Variants in SSBP2 observed in about 807,000 individuals in gnomAD.
SSBP2 encodes the protein single stranded DNA binding protein 2, also known as single-stranded DNA-binding protein 2.
Under a neutral mutation model 61.8 loss-of-function variants are expected in SSBP2, and 17 were observed. That is an observed-to-expected ratio of 0.28 (90% CI 0.19 to 0.41). The LOEUF is 0.41. SSBP2 is among the 10% of genes least tolerant of loss of function. The pLI is 1.00. For missense variants in SSBP2, 310 were observed against 458.7 expected (o/e 0.68, Z 2.96); for synonymous variants, 139 against 141.3 (o/e 0.98, Z 0.12).
chr5:81,438,823 G>A (rs2153951937), intron 14 of SSBP2, among the ~76,000 whole-genome samples: 1 of 152,274 alleles, frequency 6.6e-6, no homozygotes, highest in African/African-American at 2.4e-5. Context: ...ATTCAAGAAT[G>A]GTGCTGTCCA....
chr5:81,691,144 A>G (rs1753174802), intron 1 of SSBP2, among the ~76,000 whole-genome samples: 1 of 152,148 alleles, frequency 6.6e-6, no homozygotes, highest in African/African-American at 2.4e-5. Context: ...AAACAATCTA[A>G]CAATGCATCT....
chr5:81,652,853 C>T (rs991400808), intron 1 of SSBP2, among the ~76,000 whole-genome samples: 16 of 151,686 alleles, frequency 1.1e-4, no homozygotes, highest in African/African-American at 1.9e-4. Flanking sequence ...ACCCATCACC[C>T]GAGTAGCATA....
chr5:81,640,393 A>C (rs1167536665), intron 2 of SSBP2, among the ~76,000 whole-genome samples: 1 of 152,160 alleles, frequency 6.6e-6, no homozygotes, highest in African/African-American at 2.4e-5. Context: ...TGAGGTGCTA[A>C]AAGGAAAAAT....
chr5:81,422,935 AT>A (rs1761703270), intron 16 of SSBP2, among the ~76,000 whole-genome samples: 1 of 152,270 alleles, frequency 6.6e-6, no homozygotes, highest in African/African-American at 2.4e-5. Context: ...ACATAATGTG[AT>A]TCCACGTCTC....
At chr5:81,661,167 A>G (rs1750662376) in intron 1 of SSBP2, among the ~76,000 whole-genome samples, 1 of 152,144 alleles carries the variant, frequency 6.6e-6, no homozygotes, top group Non-Finnish European at 1.5e-5. Flanking sequence ...GGAACTTTAA[A>G]AAATTGTTTT....
At chr5:81,490,784 G>A (rs577002992) in intron 5 of SSBP2, among the ~76,000 whole-genome samples, 2 of 152,246 alleles carry the variant, frequency 1.3e-5, no homozygotes, top group South Asian at 4.1e-4. Flanking sequence ...TGAGCAATTT[G>A]GCTTTTTGTT....
At chr5:81,494,165 G>A (rs927020663) in intron 5 of SSBP2, among the ~76,000 whole-genome samples, 1 of 152,152 alleles carries the variant, frequency 6.6e-6, no homozygotes, top group Non-Finnish European at 1.5e-5. Context: ...TTCCTCAAAA[G>A]TCATATTACA....
chr5:81,732,197 CA>C (rs1324279274), intron 1 of SSBP2, among the ~76,000 whole-genome samples: 1 of 152,126 alleles, frequency 6.6e-6, no homozygotes, highest in East Asian at 1.9e-4. Flanking sequence ...TCTGTTTCTT[CA>C]TTTTTAAAAA....
intron 4 of SSBP2, among the ~76,000 whole-genome samples, chr5:81,540,592 T>A (rs1771187554): frequency 6.6e-6 from 1 of 152,210 alleles, no homozygotes; most frequent in Non-Finnish European, 1.5e-5. Context: ...ATGGGGTTGT[T>A]TTTTTCTCAT....
At chr5:81,466,932 T>A in intron 9 of SSBP2, 42 bp downstream of exon 9, 1 of 1,200,556 alleles carries the variant, frequency 8.3e-7, no homozygotes, top group Non-Finnish European at 1.2e-6. Flanking sequence ...ATATAAAATA[T>A]CATCCACGTA....
At chr5:81,631,179 T>C (rs1426202058) in intron 3 of SSBP2, among the ~76,000 whole-genome samples, 1 of 152,214 alleles carries the variant, frequency 6.6e-6, no homozygotes, top group Non-Finnish European at 1.5e-5. Context: ...GGTGCTTAAC[T>C]GTAGTGAACC....
At position 81,420,410 on chromosome 5, in the gene SSBP2, G is replaced by T; in HGVS notation, c.*94C>A. 8.0e-7 allele frequency: 1 copy of T among 1,247,948 alleles called. No individual in the cohort carries two copies. Among genetic ancestry groups the T allele is most frequent in the Non-Finnish European group, 1.2e-6 (1 of 854,866 alleles). The allele number at this position is 1,247,948 out of a possible 1,614,324, so 77.3% of individuals were successfully genotyped here. Reference sequence around the variant, plus strand: ...GGTTTGGTGTGACTGAGATTCCTTTGTTTAACTGTACACTGTGATGAATAA... The same window carrying T: ...GGTTTGGTGTGACTGAGATTCCTTTTTTTAACTGTACACTGTGATGAATAA... On this transcript the variant is annotated 3_prime_UTR_variant, in exon 17 of 17. Coordinates refer to ENST00000320672, the MANE Select transcript of SSBP2 (RefSeq NM_012446.5).
chr5:81,696,630 C>T (rs1160233824), intron 1 of SSBP2, among the ~76,000 whole-genome samples: 1 of 152,164 alleles, frequency 6.6e-6, no homozygotes, highest in African/African-American at 2.4e-5. Context: ...CAACTATAAC[C>T]ATCTGGCAAT....
At chr5:81,485,259 C>G (rs1176474794) in intron 6 of SSBP2, among the ~76,000 whole-genome samples, 1 of 152,050 alleles carries the variant, frequency 6.6e-6, no homozygotes. Flanking sequence ...ATATATTTAT[C>G]CTCTGCTATA....
chr5:81,560,910 T>C (rs2153413426), intron 4 of SSBP2, among the ~76,000 whole-genome samples: 1 of 152,260 alleles, frequency 6.6e-6, no homozygotes, highest in South Asian at 2.1e-4. Context: ...CAATACAGAA[T>C]TATTAATTAT....
chr5:81,727,995 A>G (rs1484799413), intron 1 of SSBP2, among the ~76,000 whole-genome samples: 1 of 152,186 alleles, frequency 6.6e-6, no homozygotes, highest in East Asian at 1.9e-4. Flanking sequence ...GAAAGGGAAC[A>G]CTGTCCTGAG....
chr5:81,653,933 G>A (rs1022772586), intron 1 of SSBP2, among the ~76,000 whole-genome samples: 16 of 151,476 alleles, frequency 1.1e-4, no homozygotes, highest in Admixed American at 9.2e-4. Flanking sequence ...GACATCTTCC[G>A]TCCCAAGCTC....
At chr5:81,542,024 A>T (rs1454966055) in intron 4 of SSBP2, among the ~76,000 whole-genome samples, 2 of 152,244 alleles carry the variant, frequency 1.3e-5, no homozygotes, top group Non-Finnish European at 2.9e-5. Flanking sequence ...TCTGCATTCA[A>T]CAAAGGTCTA....
At chr5:81,627,493 G>C (rs1248356806) in intron 3 of SSBP2, among the ~76,000 whole-genome samples, 1 of 152,076 alleles carries the variant, frequency 6.6e-6, no homozygotes, top group Admixed American at 6.6e-5. Flanking sequence ...TACCATTCTA[G>C]TGAGCTAACT....
Sources: allele counts gnomAD v4.1 joint callset (sites outside exome capture counted in the v4.1 genomes callset), GRCh38; gene constraint gnomAD v4.1.1; transcripts MANE v1.5; gene names NCBI Gene and HGNC (gene_info 2026-07-23, HGNC 2026-07-21).